DARS1: variants seen among roughly 807,000 people sequenced by gnomAD.
DARS1 encodes the protein aspartyl-tRNA synthetase 1.
In DARS1, 51 loss-of-function variants were observed where a neutral mutation model predicts 68.8. The observed-to-expected ratio is 0.74, with a 90% CI of 0.59 to 0.94. The LOEUF is 0.94. Among genes scored for constraint, DARS1 ranks in the 40% least tolerant of loss-of-function variants. The pLI is 0.00. For missense variants in DARS1, 607 were observed against 597.3 expected (o/e 1.02, Z -0.17); for synonymous variants, 203 against 190.4 (o/e 1.07, Z -0.55).
chr2:135,942,889 T>C (rs916798364), intron 5 of DARS1, among the ~76,000 whole-genome samples: 2 of 152,216 alleles, frequency 1.3e-5, no homozygotes, highest in African/African-American at 4.8e-5. Context: ...TTTCCTCCCA[T>C]CAAGGGCTAG....
At chr2:135,972,770 A>C (rs1375919800) in intron 3 of DARS1, among the ~76,000 whole-genome samples, 1 of 152,224 alleles carries the variant, frequency 6.6e-6, no homozygotes, top group African/African-American at 2.4e-5. Context: ...AAAAGATTTA[A>C]ATAGACATTT....
At chr2:135,964,822 C>A (rs182885554) in intron 3 of DARS1, among the ~76,000 whole-genome samples, 46 of 106,550 alleles carry the variant, frequency 4.3e-4, no homozygotes, top group African/African-American at 1.6e-3. Context: ...GCCTGGGTAA[C>A]AGAGCAAGAC....
chr2:135,925,052 T>C (rs1681184188), intron 7 of DARS1, among the ~76,000 whole-genome samples: 1 of 152,154 alleles, frequency 6.6e-6, no homozygotes, highest in South Asian at 2.1e-4. Flanking sequence ...TCCAATGTGG[T>C]ACATAAAACA....
chr2:135,985,578 C>T lies in DARS1; in HGVS notation c.-110G>A, dbSNP rs767455687. On this transcript the variant is annotated 5_prime_UTR_variant, in exon 1 of 16. Coordinates refer to ENST00000264161, the MANE Select transcript of DARS1 (RefSeq NM_001349.4). ...GTCTCCGCCCTCCCGACCCTGGGGTCTCAGCACACGCGCTCGGACTCCGCG... is the reference window on the plus strand; with the variant it reads ...GTCTCCGCCCTCCCGACCCTGGGGTTTCAGCACACGCGCTCGGACTCCGCG... 35 of 1,577,976 alleles carry T rather than the reference C, an allele frequency of 2.2e-5. No individual in the cohort carries two copies. The South Asian group carries it at 2.8e-4, about 12-fold the overall frequency.
chr2:135,957,102 T>C (rs1681992583), intron 4 of DARS1, among the ~76,000 whole-genome samples: 1 of 152,120 alleles, frequency 6.6e-6, no homozygotes, highest in Non-Finnish European at 1.5e-5. Flanking sequence ...TCTTGCTCTG[T>C]TGCCCAAGCT....
At chr2:135,962,341 A>G (rs1476512609) in intron 3 of DARS1, among the ~76,000 whole-genome samples, 26 of 152,174 alleles carry the variant, frequency 1.7e-4, no homozygotes. Flanking sequence ...GTCTCTGATC[A>G]AATTCTGGGA....
At chr2:135,958,430 T>G (rs1682025246) in intron 4 of DARS1, among the ~76,000 whole-genome samples, 1 of 152,192 alleles carries the variant, frequency 6.6e-6, no homozygotes, top group African/African-American at 2.4e-5. Flanking sequence ...TAACAATTTT[T>G]AGGAAAAGGA....
At chr2:135,943,181 A>G in intron 5 of DARS1, 197 bp downstream of exon 5, 4 of 706,498 alleles carry the variant, frequency 5.7e-6, no homozygotes, top group Non-Finnish European at 8.5e-6. Context: ...ACAGAATTGT[A>G]AGCAAATAAA....
chr2:135,948,674 G>A (rs1408392002), intron 4 of DARS1, among the ~76,000 whole-genome samples: 2 of 152,048 alleles, frequency 1.3e-5, no homozygotes, highest in Non-Finnish European at 2.9e-5. Flanking sequence ...AGAGCAGCCT[G>A]GCCAACATGG....
At chr2:135,948,624 G>T (rs1165449549) in intron 4 of DARS1, among the ~76,000 whole-genome samples, 1 of 152,128 alleles carries the variant, frequency 6.6e-6, no homozygotes, top group Non-Finnish European at 1.5e-5. Context: ...CAGCACTTTG[G>T]GAGGCCAGGG....
chr2:135,969,101 T>A lies in DARS1; in HGVS notation c.218-7603A>T, dbSNP rs917632013. ...GAGGATGATCTAGTATTAGAAATTTTAAAAATGCATATGCATGCCCTTTAA... is the reference window on the plus strand; with the variant it reads ...GAGGATGATCTAGTATTAGAAATTTAAAAAATGCATATGCATGCCCTTTAA... On this transcript the variant is annotated intron_variant, in intron 3 of 15. Transcript: ENST00000264161. 3.9e-5 allele frequency among the ~76,000 whole-genome samples: 6 copies of A among 152,206 alleles called. No individual in the cohort carries two copies. In the East Asian group the frequency reaches 9.6e-4, roughly 24 times the overall value.
chr2:135,962,355 T>C (rs1156301472), intron 3 of DARS1, among the ~76,000 whole-genome samples: 1 of 152,222 alleles, frequency 6.6e-6, no homozygotes, highest in Non-Finnish European at 1.5e-5. Context: ...TCTGGGAAAT[T>C]ACTTCTTCAT....
chr2:135,947,507 C>T (rs1681752044), intron 4 of DARS1, among the ~76,000 whole-genome samples: 1 of 151,722 alleles, frequency 6.6e-6, no homozygotes, highest in African/African-American at 2.4e-5. Context: ...TTTAGCAATT[C>T]CCTTTTATGT....
rs779947676 is a variant in DARS1 at position 135,932,859 on chromosome 2, AGAAAAG to A, written c.505-23_505-18del. 5.6e-6 allele frequency: 6 copies of A among 1,078,838 alleles called. No individual in the cohort carries two copies. Among genetic ancestry groups the A allele is most frequent in the South Asian group, 1.5e-5 (1 of 67,812 alleles). 66.8% of individuals were successfully genotyped at this position (1,078,838 alleles called of 1,614,324 possible). A position where few individuals can be genotyped will look rare whatever the true frequency, so the allele number is the denominator to read the frequency against. ...TCTTCCTTCCTAAAAAAAAAAAAAA[AGAAAAG>A]AAAAAAATAAATTTTACTAATATTT... is the stretch of plus-strand genomic sequence containing the variant. On this transcript the variant is annotated intron_variant, in intron 6 of 15. Transcript: ENST00000264161.
intron 1 of DARS1, among the ~76,000 whole-genome samples, chr2:135,984,172 A>G (rs949292752): frequency 6.6e-6 from 1 of 152,196 alleles, no homozygotes. Context: ...CTTTATTTCA[A>G]TCTTACTTTA....
chr2:135,916,094 C>CA (rs1255315355), intron 11 of DARS1, 132 bp downstream of exon 11: 2 of 466,832 alleles, frequency 4.3e-6, no homozygotes, highest in Non-Finnish European at 7.7e-6. Context: ...TTAAAAATCA[C>CA]AAAGACAACT....
chr2:135,965,567 T>G (rs1239370463), intron 3 of DARS1, among the ~76,000 whole-genome samples: 1 of 152,116 alleles, frequency 6.6e-6, no homozygotes, highest in African/African-American at 2.4e-5. Flanking sequence ...AAATATAAAA[T>G]CGAATTATTA....
intron 3 of DARS1, 94 bp downstream of exon 3, chr2:135,979,180 G>GT: frequency 1.4e-6 from 1 of 720,934 alleles, no homozygotes; most frequent in Admixed American, 2.4e-5. Flanking sequence ...TTTTTGTTTT[G>GT]TTTTTAAAGA....
At chr2:135,956,369 T>G (rs978095092) in intron 4 of DARS1, among the ~76,000 whole-genome samples, 3 of 152,084 alleles carry the variant, frequency 2.0e-5, no homozygotes, top group Non-Finnish European at 2.9e-5. Flanking sequence ...AAACAGAAGA[T>G]TCTGGCTAAA....
Sources: gnomAD v4.1 joint callset for allele counts (sites outside exome capture counted in the v4.1 genomes callset) on GRCh38, gnomAD v4.1.1 for gene constraint, MANE v1.5 for transcripts, NCBI Gene and HGNC (gene_info 2026-07-23, HGNC 2026-07-21) for gene names.